The following MAP4 variants were observed in gnomAD, a reference collection of about 807,000 sequenced individuals.
The protein encoded by MAP4 is microtubule associated protein 4, also known as microtubule-associated protein 4.
A neutral mutation model predicts 170.2 loss-of-function variants in MAP4; 76 were observed. The observed-to-expected ratio is 0.45, with a 90% CI of 0.37 to 0.54. MAP4 has a LOEUF of 0.54. Among genes scored for constraint, MAP4 ranks in the 20% least tolerant of loss-of-function variants. MAP4 has a pLI of 0.00. For missense variants in MAP4, 2,506 were observed against 2,748.0 expected (o/e 0.91, Z 1.97); for synonymous variants, 909 against 994.5 (o/e 0.91, Z 1.62).
At chr3:47,926,584 G>C (rs2100046120) in intron 4 of MAP4, among the ~76,000 whole-genome samples, 1 of 152,160 alleles carries the variant, frequency 6.6e-6, no homozygotes, top group Non-Finnish European at 1.5e-5. Context: ...GCCCACGCTA[G>C]AGTACAGAAG....
chr3:47,933,299 G>A (rs562560884), intron 3 of MAP4, among the ~76,000 whole-genome samples: 1 of 152,066 alleles, frequency 6.6e-6, no homozygotes, highest in African/African-American at 2.4e-5. Context: ...ATGTTCTAAC[G>A]ATGGATTACA....
chr3:47,921,528 A>C (rs1244727772), intron 5 of MAP4, among the ~76,000 whole-genome samples: 1 of 152,192 alleles, frequency 6.6e-6, no homozygotes, highest in African/African-American at 2.4e-5. Flanking sequence ...CTCTCAAAAA[A>C]AAAATTTGTC....
chr3:47,875,906 G>T lies in MAP4; in HGVS notation c.5542-6C>A. On this transcript the variant is annotated splice_polypyrimidine_tract_variant and splice_region_variant and intron_variant, in intron 11 of 20. Transcript: ENST00000683076. ...GGTTGAGTGGTGGCCAAAGGCTTTA[G>T]GTTGATTGTTGTTTATTTTTTATTT... 6.3e-7 allele frequency: 1 copy of T among 1,578,890 alleles called. No homozygotes were observed. The highest frequency in any genetic ancestry group is 1.2e-5 in the South Asian group (1 of 84,404).
At chr3:47,867,196 C>A (rs760947339) in intron 17 of MAP4, 50 bp downstream of exon 17, 15 of 1,318,082 alleles carry the variant, frequency 1.1e-5, no homozygotes, top group Non-Finnish European at 1.6e-5. Flanking sequence ...CCTAGTATAC[C>A]CCACAGTGGG....
intron 3 of MAP4, among the ~76,000 whole-genome samples, chr3:47,943,949 CTTGAT>C (rs942124277): frequency 6.6e-6 from 1 of 152,038 alleles, no homozygotes; most frequent in Non-Finnish European, 1.5e-5. Flanking sequence ...TCCTACAACA[CTTGAT>C]TTATTATCAT....
At chr3:47,963,342 C>T (rs748500893) in intron 3 of MAP4, among the ~76,000 whole-genome samples, 5 of 152,174 alleles carry the variant, frequency 3.3e-5, no homozygotes, top group Admixed American at 6.5e-5. Context: ...ACCCCTTCAA[C>T]GAGGTTTCAA....
At position 47,911,712 on chromosome 3, in the gene MAP4, T is replaced by C; in HGVS notation, c.2709A>G (p.Pro903=). The change falls in exon 9 of 21, where the codon CCA becomes CCG. Residue 903 remains proline (P), a synonymous_variant. Transcript: ENST00000683076. The surrounding 1 kb of genome is among the most constrained non-coding windows in gnomAD (Gnocchi z 4.0). ...GAGTCTTCAGGTGGGGTGCAGGCTG[T>C]GGTTTGTATTCATGTTGCTTCAGCA... ...KKLLKQHEYK[P]QPAPHLKTPV... is the part of the protein sequence containing the mutation. 1.3e-6 allele frequency: 2 copies of C among 1,536,114 alleles called. No individual in the cohort carries two copies. The highest frequency in any genetic ancestry group is 1.7e-6 in the Non-Finnish European group (2 of 1,146,898).
At chr3:48,055,736 C>T (rs558796758) in intron 1 of MAP4, among the ~76,000 whole-genome samples, 4 of 100,210 alleles carry the variant, frequency 4.0e-5, no homozygotes, top group African/African-American at 7.7e-5. Flanking sequence ...TCCGCCCGGC[C>T]GCCATCCCAT....
intron 1 of MAP4, among the ~76,000 whole-genome samples, chr3:48,047,517 G>T (rs547807239): frequency 6.3e-4 from 96 of 152,252 alleles, no homozygotes; most frequent in South Asian, 2.5e-3. Flanking sequence ...AGCAAAGTGG[G>T]GAGGGAATTC....
intron 2 of MAP4, among the ~76,000 whole-genome samples, chr3:47,992,857 C>T (rs1035988853): frequency 6.7e-6 from 1 of 149,488 alleles, no homozygotes; most frequent in Non-Finnish European, 1.5e-5. Context: ...TGAGCCGAGA[C>T]TGTGCCACCG....
chr3:47,940,707 G>C (rs143835112), intron 3 of MAP4, among the ~76,000 whole-genome samples: 2 of 152,270 alleles, frequency 1.3e-5, no homozygotes, highest in East Asian at 3.9e-4. Context: ...CCAAGTGCAA[G>C]ATAGACTAAT....
In MAP4 at chr3:47,855,974, G is replaced by A. The variant is rs2055224415; in HGVS notation, c.6584-614C>T. ...AGTGGCCCCGAGGCTGTGCGCTGAG[G>A]AAGGAAAGACATGGACCAAGGCAGG... On this transcript the variant is annotated intron_variant, in intron 18 of 20. Transcript: ENST00000683076. This position sits in a 1 kb window ranked among gnomAD's most constrained non-coding sequence, Gnocchi z 5.1. Among the ~76,000 whole-genome samples the A allele has an allele frequency of 6.6e-6, 1 of 152,112 alleles. No homozygotes were observed. Among genetic ancestry groups the A allele is most frequent in the Non-Finnish European group, 1.5e-5 (1 of 68,010 alleles).
rs562849729 is a variant in MAP4, at chr3:47,875,775, A to G, written c.5667T>C (p.Ala1889=). Residue 1889 remains alanine, a synonymous_variant, in exon 12 of 21, where the codon GCT becomes GCC. Coordinates refer to ENST00000683076, the MANE Select transcript of MAP4 (RefSeq NM_001385682.1). The part of the protein sequence containing the change: ...GGLNKKPMSL[A]SGLVPAAPPK... The stretch of plus-strand genomic sequence containing the variant: ...GTGGGGCAGCTGGCACTAAGCCTGA[A>G]GCAAGGCTCATGGGTTTTTTATTCA... The G allele has an allele frequency of 1.9e-6, 3 of 1,614,138 alleles. No individual in the cohort carries two copies. In the South Asian group the frequency reaches 3.3e-5, roughly 18 times the overall value.
chr3:47,867,802 T>C (rs1271566545), intron 16 of MAP4, among the ~76,000 whole-genome samples: 1 of 152,208 alleles, frequency 6.6e-6, no homozygotes, highest in Non-Finnish European at 1.5e-5. Context: ...CTGGAATGGC[T>C]GCAGCCAGAC....
chr3:47,987,560 C>T lies in MAP4; in HGVS notation c.224-9627G>A, dbSNP rs143520675. 41 of 547,102 alleles carry T rather than the reference C, an allele frequency of 7.5e-5. No individual in the cohort carries two copies. The East Asian group carries it at 1.1e-3, about 15-fold the overall frequency. The allele number at this position is 547,102 out of a possible 1,614,324, so 33.9% of individuals were successfully genotyped here. A position where few individuals can be genotyped will look rare whatever the true frequency, so the allele number is the denominator to read the frequency against. ...ATAACATCAACCTCCAGCCCAGAAC[C>T]GTCCTCCAAACTCCGGACTCCTTAT... On this transcript the variant is annotated intron_variant, in intron 2 of 20. Coordinates refer to ENST00000683076, the MANE Select transcript of MAP4 (RefSeq NM_001385682.1).
chr3:47,911,436 C>G lies in MAP4; in HGVS notation c.2985G>C (p.Met995Ile), dbSNP rs1399886681. Residue 995 changes from methionine to isoleucine, a missense_variant, in exon 9 of 21, where the codon ATG becomes ATC. Transcript: ENST00000683076. This position sits in a 1 kb window ranked among gnomAD's most constrained non-coding sequence, Gnocchi z 4.0. ...NLKEGNNESK[M>I]TKLQNVKLKE... Reference sequence around the variant, plus strand: ...TCAGTTTGACATTCTGCAGTTTAGTCATTTTACTTTCATTATTCCCTTCTT... The same window carrying G: ...TCAGTTTGACATTCTGCAGTTTAGTGATTTTACTTTCATTATTCCCTTCTT... The G allele has an allele frequency of 1.3e-6, 2 of 1,535,946 alleles. No individual in the cohort carries two copies. The highest frequency in any genetic ancestry group is 2.7e-5 in the African/African-American group (2 of 73,040).
chr3:47,939,436 T>C (rs971080176), intron 3 of MAP4, among the ~76,000 whole-genome samples: 2 of 152,234 alleles, frequency 1.3e-5, no homozygotes, highest in East Asian at 1.9e-4. Context: ...TGAGACAGAA[T>C]AGTATTCAAT....
chr3:47,928,659 G>C (rs2100047543), intron 3 of MAP4, among the ~76,000 whole-genome samples: 2 of 151,886 alleles, frequency 1.3e-5, no homozygotes. Context: ...GCAAGACTCT[G>C]TCACTAAAAA....
intron 8 of MAP4, among the ~76,000 whole-genome samples, chr3:47,913,745 G>A (rs2100037125): frequency 6.6e-6 from 1 of 152,092 alleles, no homozygotes; most frequent in African/African-American, 2.4e-5. Flanking sequence ...GTGCTAGGTA[G>A]TGTGCAAAGC....
Sources: allele counts gnomAD v4.1 joint callset (sites outside exome capture counted in the v4.1 genomes callset), GRCh38; gene constraint gnomAD v4.1.1; non-coding constraint Gnocchi (gnomAD v3.1); transcripts MANE v1.5; gene names NCBI Gene and HGNC (gene_info 2026-07-23, HGNC 2026-07-21).